FXN: variants seen among roughly 807,000 people sequenced by gnomAD.
FXN encodes frataxin, mitochondrial.
A neutral mutation model predicts 22.4 loss-of-function variants in FXN; 14 were observed. The ratio of observed to expected loss-of-function variants is 0.62; its 90% confidence interval spans 0.41 to 0.98. The LOEUF (loss-of-function observed/expected upper bound fraction) is 0.98. Among genes scored for constraint, FXN ranks in the 50% least tolerant of loss-of-function variants. The pLI, the probability that FXN is intolerant of heterozygous loss-of-function variation, is 0.00. For missense variants in FXN, 267 were observed against 268.4 expected (o/e 0.99, Z 0.04); for synonymous variants, 120 against 114.1 (o/e 1.05, Z -0.33).
At chr9:69,055,560 C>G (rs550805668) in intron 3 of FXN, among the ~76,000 whole-genome samples, 2 of 147,448 alleles carry the variant, frequency 1.4e-5, no homozygotes, top group East Asian at 4.0e-4. Context: ...GTTGTGTGAT[C>G]TCAGCTCACT....
At chr9:69,042,879 C>G (rs1045267747) in intron 1 of FXN, among the ~76,000 whole-genome samples, 2 of 152,176 alleles carry the variant, frequency 1.3e-5, no homozygotes, top group African/African-American at 4.8e-5. Flanking sequence ...TTCCACTGTG[C>G]ACAGACTCTG....
At chr9:69,045,858 C>T (rs1831743181) in intron 1 of FXN, among the ~76,000 whole-genome samples, 1 of 152,130 alleles carries the variant, frequency 6.6e-6, no homozygotes, top group Admixed American at 6.5e-5. Flanking sequence ...GGGGGTCCCT[C>T]TGCTAGTTCC....
At chr9:69,042,205 T>A (rs11144901) in intron 1 of FXN, among the ~76,000 whole-genome samples, 69,922 of 149,138 alleles carry the variant, frequency 0.47, 16,301 homozygotes, top group Non-Finnish European at 0.48. Context: ...GCCACTGCAT[T>A]CCAGCCTGGG....
At position 69,078,736 on chromosome 9, in the gene FXN, A is replaced by G; in HGVS notation, c.*5974A>G. The G allele has an allele frequency of 1.0e-6, 1 of 985,532 alleles. No homozygotes were observed. The highest frequency in any genetic ancestry group is 1.2e-6 in the Non-Finnish European group (1 of 829,980). The allele number at this position is 985,532 out of a possible 1,614,324, so 61.0% of individuals were successfully genotyped here. A position where few individuals can be genotyped will look rare whatever the true frequency, so the allele number is the denominator to read the frequency against. The stretch of plus-strand genomic sequence containing the variant: ...CAGTGCTGTTTCCATTTTGGTCTTT[A>G]TTCCCCACATCTCTGCCTGGGGGGT... On this transcript the variant is annotated 3_prime_UTR_variant, in exon 5 of 5. Coordinates refer to ENST00000484259, the MANE Select transcript of FXN (RefSeq NM_000144.5).
rs1375022598 is a variant in FXN, at chr9:69,075,783, G to A, written c.*3021G>A. The stretch of plus-strand genomic sequence containing the variant: ...TCTCACTTTGGCACTCAGGCTGGAG[G>A]ACAGTGGTACAATCAAAGCTCATGG... On this transcript the variant is annotated 3_prime_UTR_variant, in exon 5 of 5. Coordinates refer to ENST00000484259, the MANE Select transcript of FXN (RefSeq NM_000144.5). 1.1e-6 allele frequency: 1 copy of A among 889,556 alleles called. No individual in the cohort carries two copies. The highest frequency in any genetic ancestry group is 1.3e-6 in the Non-Finnish European group (1 of 743,052). 55.1% of individuals were successfully genotyped at this position (889,556 alleles called of 1,614,324 possible).
Position 69,076,078 on chromosome 9 carries a change from G to C in FXN, c.*3316G>C, listed in dbSNP as rs752489512. 4.1e-4 allele frequency: 400 copies of C among 984,360 alleles called. 1 individual carries two copies. The highest frequency in any genetic ancestry group is 4.7e-4 in the Non-Finnish European group (390 of 829,152). 61.0% of individuals were successfully genotyped at this position (984,360 alleles called of 1,614,324 possible). The stretch of plus-strand genomic sequence containing the variant: ...GCCACATAGAAAATAAAATGTTCTG[G>C]CATGACTTATTTAGCTCTCTGGAAT... On this transcript the variant is annotated 3_prime_UTR_variant, in exon 5 of 5. Transcript: ENST00000484259.
intron 3 of FXN, among the ~76,000 whole-genome samples, chr9:69,053,939 G>A (rs1311207775): frequency 1.3e-5 from 2 of 152,354 alleles, no homozygotes; most frequent in African/African-American, 4.8e-5. Context: ...GGTCTGGGGT[G>A]TGGCATGACC....
chr9:69,058,762 T>C (rs1268335854), intron 3 of FXN, among the ~76,000 whole-genome samples: 2 of 152,094 alleles, frequency 1.3e-5, no homozygotes, highest in Non-Finnish European at 2.9e-5. Flanking sequence ...GAAAGTGACA[T>C]GCAGAAAATG....
intron 3 of FXN, among the ~76,000 whole-genome samples, chr9:69,054,994 A>G (rs551465796): frequency 1.3e-5 from 2 of 152,356 alleles, no homozygotes; most frequent in African/African-American, 2.4e-5. Context: ...GGAGGAGGCA[A>G]CCAAGTCTTA....
At chr9:69,069,595 A>G (rs535641990) in intron 4 of FXN, among the ~76,000 whole-genome samples, 302 of 152,366 alleles carry the variant, frequency 2.0e-3, no homozygotes, top group Middle Eastern at 3.4e-3. Flanking sequence ...GAAACCAGAC[A>G]TGGTGGTCTC....
chr9:69,044,694 C>T lies in FXN; in HGVS notation c.166-1691C>T, dbSNP rs3793452. On this transcript the variant is annotated intron_variant, in intron 1 of 4. Transcript: ENST00000484259. ...TCCATCACCTCCCCTGTCACCTCCC[C>T]TGCATCTCCCTACTCCAGCTGCACC... is the stretch of plus-strand genomic sequence containing the variant. 9.5e-3 allele frequency among the ~76,000 whole-genome samples: 1,443 copies of T among 152,330 alleles called. 48 individuals carry two copies. The East Asian group carries it at 0.11, about 11-fold the overall frequency.
At position 69,061,388 on chromosome 9, in the gene FXN, G is replaced by A. The variant is rs186154675; in HGVS notation, c.385-3550G>A. Among the ~76,000 whole-genome samples the A allele has an allele frequency of 2.2e-3, 337 of 152,130 alleles. 8 individuals are homozygous for A. Among genetic ancestry groups the A allele is most frequent in the Non-Finnish European group, 6.9e-4 (47 of 68,010 alleles). On this transcript the variant is annotated intron_variant, in intron 3 of 4. Coordinates refer to ENST00000484259, the MANE Select transcript of FXN (RefSeq NM_000144.5). ...TGATGAGACCAGACCTGGAACTCGC[G>A]TCTTATACTCAGTCCTCTGCCCTTT...
intron 4 of FXN, among the ~76,000 whole-genome samples, chr9:69,067,469 G>A (rs773811006): frequency 6.6e-6 from 1 of 152,226 alleles, no homozygotes; most frequent in Non-Finnish European, 1.5e-5. Context: ...CTGTAGAGGA[G>A]CAGGAGGTTG....
intron 3 of FXN, among the ~76,000 whole-genome samples, chr9:69,055,433 T>C (rs1028601555): frequency 6.6e-6 from 1 of 152,108 alleles, no homozygotes; most frequent in African/African-American, 2.4e-5. Context: ...TTTGCATGAA[T>C]GTTTTGTTAG....
chr9:69,066,726 T>C (rs1832172077), intron 4 of FXN, among the ~76,000 whole-genome samples: 1 of 152,058 alleles, frequency 6.6e-6, no homozygotes, highest in Non-Finnish European at 1.5e-5. Context: ...TTTCCCCATA[T>C]CTGAAGACTG....
At chr9:69,061,206 G>A (rs1302998487) in intron 3 of FXN, among the ~76,000 whole-genome samples, 4 of 152,220 alleles carry the variant, frequency 2.6e-5, no homozygotes, top group African/African-American at 9.7e-5. Context: ...TTTGGCTTCA[G>A]TGGTTGCATG....
In FXN at chr9:69,074,519, CAA is replaced by C. The variant is rs34933249; in HGVS notation, c.*1770_*1771del. 337 of 761,668 alleles carry C rather than the reference CAA, an allele frequency of 4.4e-4. No homozygotes were observed. The highest frequency in any genetic ancestry group is 1.3e-3 in the Middle Eastern group (2 of 1,518). The allele number at this position is 761,668 out of a possible 1,614,324, so 47.2% of individuals were successfully genotyped here. Reference sequence around the variant, plus strand: ...TGAGCGACAGAGCGAGACTCCGTCTCAAAAAAAAAAAAAAGGAGGGTTTATTA... The same window carrying C: ...TGAGCGACAGAGCGAGACTCCGTCTCAAAAAAAAAAAAGGAGGGTTTATTA... On this transcript the variant is annotated 3_prime_UTR_variant, in exon 5 of 5. Coordinates refer to ENST00000484259, the MANE Select transcript of FXN (RefSeq NM_000144.5).
At position 69,072,699 on chromosome 9, in the gene FXN, C is replaced by T. The variant is rs764541033; in HGVS notation, c.570C>T (p.Leu190=). ...VSLHELLAAE[L]TKALKTKLDL... ...TCCATGAGCTGCTGGCCGCAGAGCT[C>T]ACTAAAGCCTTAAAAACCAAACTGG... is the stretch of plus-strand genomic sequence containing the variant. The change falls in exon 5 of 5, where the codon CTC becomes CTT. Residue 190 remains leucine, a synonymous_variant. Coordinates refer to ENST00000484259, the MANE Select transcript of FXN (RefSeq NM_000144.5). 1.1e-5 allele frequency: 17 copies of T among 1,614,070 alleles called. No homozygotes were observed. The Admixed American group carries it at 2.3e-4, about 22-fold the overall frequency.
rs536368208 is a variant in FXN at position 69,056,404 on chromosome 9, G to A, written c.384+3144G>A. 3.3e-5 allele frequency among the ~76,000 whole-genome samples: 5 copies of A among 152,294 alleles called. No homozygotes were observed. The East Asian group carries it at 7.7e-4, about 23-fold the overall frequency. ...AGGATCTATGAATATGCACACATGT[G>A]GAGTAAGCTAACGTGTGCAGCATGT... On this transcript the variant is annotated intron_variant, in intron 3 of 4. Transcript: ENST00000484259.
Sources: gnomAD v4.1 joint callset for allele counts (sites outside exome capture counted in the v4.1 genomes callset) on GRCh38, gnomAD v4.1.1 for gene constraint, MANE v1.5 for transcripts, NCBI Gene and HGNC (gene_info 2026-07-23, HGNC 2026-07-21) for gene names.